COMMD10: variants seen among roughly 807,000 people sequenced by gnomAD.
COMMD10 encodes the protein COMM domain containing 10, also known as COMM domain-containing protein 10.
Under a neutral mutation model 28.9 loss-of-function variants are expected in COMMD10, and 33 were observed. The observed-to-expected ratio is 1.14, with a 90% CI of 0.87 to 1.53. COMMD10 has a LOEUF of 1.53. Among genes scored for constraint, COMMD10 ranks in the 40% most tolerant of loss-of-function variants. The probability of loss-of-function intolerance (pLI) is 0.00; values close to 1 mark genes in which losing one functional copy is unlikely to be tolerated. For missense variants in COMMD10, 310 were observed against 233.4 expected (o/e 1.33, Z -2.14); for synonymous variants, 110 against 81.7 (o/e 1.35, Z -1.87).
intron 5 of COMMD10, among the ~76,000 whole-genome samples, chr5:116,148,336 C>T (rs1156977723): frequency 6.6e-6 from 1 of 151,744 alleles, no homozygotes; most frequent in Admixed American, 6.6e-5. Context: ...TTGCTCCTTC[C>T]CTTTCTTCCT....
At chr5:116,149,667 T>A (rs1381442813) in intron 5 of COMMD10, among the ~76,000 whole-genome samples, 1 of 151,158 alleles carries the variant, frequency 6.6e-6, no homozygotes, top group African/African-American at 2.4e-5. Flanking sequence ...TTGAGAAGTG[T>A]CTGTTCATGT....
rs755756992 is a variant in COMMD10, at chr5:116,085,039, C to A, written c.-14C>A. ...GCGCAGCTAACAGACGGCGGCAGTG[C>A]GAGAAAGCCGAAGATGGCGGTCCCC... is the stretch of plus-strand genomic sequence containing the variant. On this transcript the variant is annotated 5_prime_UTR_variant, in exon 1 of 7. Coordinates refer to ENST00000274458, the MANE Select transcript of COMMD10 (RefSeq NM_016144.4). 1.2e-5 allele frequency: 19 copies of A among 1,605,342 alleles called. No homozygotes were observed. The East Asian group carries it at 2.7e-4, about 23-fold the overall frequency.
chr5:116,225,502 A>G (rs1432269367), intron 5 of COMMD10, among the ~76,000 whole-genome samples: 1 of 151,924 alleles, frequency 6.6e-6, no homozygotes, highest in Non-Finnish European at 1.5e-5. Context: ...CTTGGGTTGA[A>G]ACCACAAACT....
Position 116,172,809 on chromosome 5 carries a change from T to C in COMMD10, c.510+38631T>C, listed in dbSNP as rs556486903. On this transcript the variant is annotated intron_variant, in intron 5 of 6. Coordinates refer to ENST00000274458, the MANE Select transcript of COMMD10 (RefSeq NM_016144.4). Reference sequence around the variant, plus strand: ...CCTTTCCTCATCTGAGATAGTAAGATTTTGGAGCTTGAATTCTTCATGCTT... The same window carrying C: ...CCTTTCCTCATCTGAGATAGTAAGACTTTGGAGCTTGAATTCTTCATGCTT... Among the ~76,000 whole-genome samples, 52 of 152,152 alleles carry C rather than the reference T, an allele frequency of 3.4e-4. 1 individual carries two copies. Among genetic ancestry groups the C allele is most frequent in the Non-Finnish European group, 6.3e-4 (43 of 68,022 alleles).
At chr5:116,227,509 T>C (rs1411450829) in intron 5 of COMMD10, among the ~76,000 whole-genome samples, 1 of 152,112 alleles carries the variant, frequency 6.6e-6, no homozygotes, top group Non-Finnish European at 1.5e-5. Context: ...TGCCACAAAA[T>C]AGTACTCTGC....
intron 5 of COMMD10, among the ~76,000 whole-genome samples, chr5:116,258,607 C>T (rs1031689976): frequency 2.0e-5 from 3 of 151,706 alleles, no homozygotes; most frequent in African/African-American, 7.3e-5. Flanking sequence ...GTCATTTTAT[C>T]TTAGATCTTT....
chr5:116,271,455 C>T (rs553005447), intron 5 of COMMD10, among the ~76,000 whole-genome samples: 1 of 151,364 alleles, frequency 6.6e-6, no homozygotes, highest in South Asian at 2.1e-4. Flanking sequence ...ACTTTGTATA[C>T]TTTTGTTTCC....
intron 5 of COMMD10, among the ~76,000 whole-genome samples, chr5:116,267,259 A>G (rs1392640774): frequency 6.6e-6 from 1 of 151,968 alleles, no homozygotes; most frequent in Non-Finnish European, 1.5e-5. Context: ...GTCTCAGGAC[A>G]CAAAATCAAT....
At position 116,167,542 on chromosome 5, in the gene COMMD10, A is replaced by T. The variant is rs184605067; in HGVS notation, c.510+33364A>T. On this transcript the variant is annotated intron_variant, in intron 5 of 6. Coordinates refer to ENST00000274458, the MANE Select transcript of COMMD10 (RefSeq NM_016144.4). ...AAGAGCAACCCCAAGACACATAATC[A>T]TCAGATTCACCAAGGTGGACATGAC... 5.3e-5 allele frequency among the ~76,000 whole-genome samples: 8 copies of T among 152,266 alleles called. No individual in the cohort carries two copies. The East Asian group carries it at 1.4e-3, about 26-fold the overall frequency.
chr5:116,132,888 A>G (rs1340044306), intron 4 of COMMD10, among the ~76,000 whole-genome samples: 1 of 152,160 alleles, frequency 6.6e-6, no homozygotes, highest in African/African-American at 2.4e-5. Context: ...TCTCTACAAC[A>G]TCTTCCTTCT....
chr5:116,260,496 A>G (rs1163934908), intron 5 of COMMD10, among the ~76,000 whole-genome samples: 1 of 151,908 alleles, frequency 6.6e-6, no homozygotes, highest in Non-Finnish European at 1.5e-5. Flanking sequence ...CAAAAGTGCC[A>G]TGGCATGTCA....
intron 5 of COMMD10, among the ~76,000 whole-genome samples, chr5:116,250,589 T>C (rs969487914): frequency 3.3e-5 from 5 of 151,810 alleles, no homozygotes; most frequent in African/African-American, 1.2e-4. Flanking sequence ...AATAGATCCA[T>C]GCAGCAAAGA....
intron 5 of COMMD10, among the ~76,000 whole-genome samples, chr5:116,160,729 AT>A (rs1301015605): frequency 1.3e-5 from 2 of 152,214 alleles, no homozygotes; most frequent in Non-Finnish European, 2.9e-5. Context: ...ACCTTGGCAT[AT>A]AAAAATTTCA....
chr5:116,262,656 A>G (rs934384019), intron 5 of COMMD10, among the ~76,000 whole-genome samples: 1 of 151,846 alleles, frequency 6.6e-6, no homozygotes, highest in African/African-American at 2.4e-5. Context: ...TGTATTCCCA[A>G]GATTTTCAGT....
chr5:116,284,563 A>C (rs1212246674), intron 5 of COMMD10, among the ~76,000 whole-genome samples: 1 of 151,866 alleles, frequency 6.6e-6, no homozygotes, highest in Non-Finnish European at 1.5e-5. Flanking sequence ...AGGTCCAAAT[A>C]GTCAAATTCC....
chr5:116,137,530 A>C (rs796405729), intron 5 of COMMD10, among the ~76,000 whole-genome samples: 1 of 152,014 alleles, frequency 6.6e-6, no homozygotes. Flanking sequence ...AAATATACAT[A>C]TATTAAACTA....
intron 5 of COMMD10, among the ~76,000 whole-genome samples, chr5:116,166,259 G>A (rs1029076156): frequency 4.6e-5 from 7 of 152,026 alleles, no homozygotes; most frequent in Non-Finnish European, 7.4e-5. Flanking sequence ...AATGTACAAT[G>A]TTCCTTTTTC....
chr5:116,178,816 G>C (rs1460552843), intron 5 of COMMD10, among the ~76,000 whole-genome samples: 1 of 152,112 alleles, frequency 6.6e-6, no homozygotes, highest in Non-Finnish European at 1.5e-5. Context: ...GTGGTTAGCT[G>C]TAGTTGATGC....
chr5:116,130,536 A>G (rs936121348), intron 4 of COMMD10, among the ~76,000 whole-genome samples: 2 of 152,004 alleles, frequency 1.3e-5, no homozygotes, highest in African/African-American at 4.8e-5. Context: ...TTAGTCCTCT[A>G]CTTAGGGAGT....
Sources: gnomAD v4.1 joint callset for allele counts (sites outside exome capture counted in the v4.1 genomes callset) on GRCh38, gnomAD v4.1.1 for gene constraint, MANE v1.5 for transcripts, NCBI Gene and HGNC (gene_info 2026-07-23, HGNC 2026-07-21) for gene names.